ACY1: variants seen among roughly 807,000 people sequenced by gnomAD.
The protein encoded by ACY1 is aminoacylase 1.
Under a neutral mutation model 53.3 loss-of-function variants are expected in ACY1, and 38 were observed. The ratio of observed to expected loss-of-function variants is 0.71; its 90% confidence interval spans 0.55 to 0.93. The LOEUF is 0.93. Among genes scored for constraint, ACY1 ranks in the 40% least tolerant of loss-of-function variants. The pLI is 0.00. For synonymous variants in ACY1, 177 were observed against 202.1 expected (o/e 0.88, Z 1.05); for missense variants, 484 against 540.9 (o/e 0.89, Z 1.04).
At position 51,988,570 on chromosome 3, in the gene ACY1, G is replaced by A; in HGVS notation, c.968G>A (p.Trp323Ter). 1 of 1,614,140 alleles carries A rather than the reference G, an allele frequency of 6.2e-7. No individual in the cohort carries two copies. The highest frequency in any genetic ancestry group is 8.5e-7 in the Non-Finnish European group (1 of 1,180,022). Reference sequence around the variant, plus strand: ...ACACCTACTGATGACTCAAACCCTTGGTGGGCAGCTTTTAGCCGGGTCTGC... The same window carrying A: ...ACACCTACTGATGACTCAAACCCTTAGTGGGCAGCTTTTAGCCGGGTCTGC... ...QVTPTDDSNPWWAAFSRVCKD... is the reference protein window; with the variant it reads ...QVTPTDDSNP The change falls in exon 13 of 15, where the codon TGG becomes TAG. Residue 323 changes from tryptophan to a stop codon, truncating the protein, a stop_gained. Transcript: ENST00000636358. LOFTEE classifies it high-confidence loss of function.
chr3:51,986,989 G>A lies in ACY1; in HGVS notation c.585G>A (p.Trp195Ter), dbSNP rs777838025. The A allele has an allele frequency of 3.7e-6, 6 of 1,612,184 alleles. No homozygotes were observed. The highest frequency in any genetic ancestry group is 5.1e-6 in the Non-Finnish European group (6 of 1,179,932). The part of the protein sequence containing the change: ...TVFYSERSPW[W>*]VRVTSTGRPG... ...TGCCTTCCCCCTACACCTCCCCAGG[G>A]GTGCGGGTTACCAGCACTGGGAGGC... Residue 195 changes from tryptophan to a stop codon, truncating the protein, a stop_gained and splice_region_variant, in exon 9 of 15, where the codon TGG becomes TGA. Transcript: ENST00000636358. LOFTEE classifies it high-confidence loss of function.
At position 51,988,834 on chromosome 3, in the gene ACY1, A is replaced by T. The variant is rs1701167077; in HGVS notation, c.1062+8A>T. The T allele has an allele frequency of 1.9e-6, 3 of 1,614,170 alleles. No homozygotes were observed. The highest frequency in any genetic ancestry group is 2.5e-6 in the Non-Finnish European group (3 of 1,180,044). On this transcript the variant is annotated splice_region_variant and intron_variant, in intron 14 of 14. Transcript: ENST00000636358. ...AACCGCTATATCCGCGCGGTGAGCC[A>T]CTTGCATATAGTGCCTGGGCAGTGG...
intron 10 of ACY1, 38 bp from the exon 11 acceptor site, chr3:51,987,271 T>C: frequency 1.2e-6 from 2 of 1,613,978 alleles, no homozygotes; most frequent in Non-Finnish European, 1.7e-6. Context: ...GCCACCTCTT[T>C]TATCTGTTGC....
chr3:51,984,531 T>C, intron 2 of ACY1: 1 of 374,832 alleles, frequency 2.7e-6, no homozygotes, highest in Non-Finnish European at 5.1e-6. Context: ...GCTTGGTGGC[T>C]AGGGCCTGGG....
intron 12 of ACY1, chr3:51,987,947 C>A (rs2106840765): frequency 2.9e-6 from 1 of 339,154 alleles, no homozygotes; most frequent in African/African-American, 2.1e-5. Context: ...TCTCGGCTCA[C>A]CTCCGCCTCC....
intron 1 of ACY1, 104 bp from the exon 2 acceptor site, chr3:51,983,943 A>G: frequency 1.2e-6 from 1 of 813,010 alleles, no homozygotes; most frequent in Non-Finnish European, 2.1e-6. Context: ...ACGGTATCCT[A>G]CCCCTGTGGG....
rs148501801 is a variant in ACY1 at position 51,988,542 on chromosome 3, G to A, written c.940G>A (p.Val314Met). Residue 314 changes from valine to methionine, a missense_variant, in exon 13 of 15, where the codon GTG (valine) becomes ATG (methionine). Transcript: ENST00000636358. Reference sequence around the variant, plus strand: ...CCCTCAGAAGTGGATGCACCCCCAAGTGACACCTACTGATGACTCAAACCC... The same window carrying A: ...CCCTCAGAAGTGGATGCACCCCCAAATGACACCTACTGATGACTCAAACCC... ...EFAQKWMHPQ[V>M]TPTDDSNPWW... 3 of 1,614,024 alleles carry A rather than the reference G, an allele frequency of 1.9e-6. No individual in the cohort carries two copies. The highest frequency in any genetic ancestry group is 4.5e-5 in the East Asian group (2 of 44,886).
At position 51,988,904 on chromosome 3, in the gene ACY1, C is replaced by T; in HGVS notation, c.1063-7C>T. The T allele has an allele frequency of 1.2e-6, 2 of 1,614,200 alleles. No homozygotes were observed. The highest frequency in any genetic ancestry group is 8.5e-7 in the Non-Finnish European group (1 of 1,180,026). On this transcript the variant is annotated splice_polypyrimidine_tract_variant and splice_region_variant and intron_variant, in intron 14 of 14. Coordinates refer to ENST00000636358, the MANE Select transcript of ACY1 (RefSeq NM_000666.3). ...TTTTCCCTAACGGCTCTTCCTCACC[C>T]CTGCAGGTGGGGGTCCCAGCTCTAG...
At chr3:51,987,811 T>A in intron 12 of ACY1, 187 bp downstream of exon 12, 1 of 634,386 alleles carries the variant, frequency 1.6e-6, no homozygotes, top group Non-Finnish European at 2.7e-6. Flanking sequence ...CTGTGGGGAG[T>A]AAAATTAGGC....
intron 12 of ACY1, 53 bp from the exon 13 acceptor site, chr3:51,988,471 G>A: frequency 6.5e-7 from 1 of 1,548,772 alleles, no homozygotes; most frequent in Non-Finnish European, 8.9e-7. Flanking sequence ...ATGGGAAATA[G>A]GGCAAGATGC....
Position 51,986,522 on chromosome 3 carries a change from C to T in ACY1, c.526+18C>T. The T allele has an allele frequency of 6.2e-7, 1 of 1,614,162 alleles. No homozygotes were observed. Among genetic ancestry groups the T allele is most frequent in the African/African-American group, 1.3e-5 (1 of 75,060 alleles). On this transcript the variant is annotated intron_variant, in intron 7 of 14. Transcript: ENST00000636358. ...GGATGAGGGTGAGCAGGTTGGCAAG[C>T]CAATGAGCAGCCAGGCAGGGAGTAG...
rs1166957235 is a variant in ACY1 at position 51,986,455 on chromosome 3, G to C, written c.477G>C (p.Val159=). Reference sequence around the variant, plus strand: ...GTCACCAAGGCATGGAGCTGTTCGTGCAGCGGCCTGAGTTCCACGCCCTGA... The same window carrying C: ...GTCACCAAGGCATGGAGCTGTTCGTCCAGCGGCCTGAGTTCCACGCCCTGA... ...VGGHQGMELF[V]QRPEFHALRA... is the part of the protein sequence containing the mutation. The change falls in exon 7 of 15, where the codon GTG becomes GTC. Residue 159 remains valine (V), a synonymous_variant. Transcript: ENST00000636358. 1.9e-6 allele frequency: 3 copies of C among 1,613,530 alleles called. No homozygotes were observed. Among genetic ancestry groups the C allele is most frequent in the Non-Finnish European group, 1.7e-6 (2 of 1,179,726 alleles).
intron 8 of ACY1, 115 bp downstream of exon 8, chr3:51,986,776 C>A: frequency 7.1e-7 from 1 of 1,413,914 alleles, no homozygotes. Context: ...GCCTTGAACC[C>A]AGGGCCTCTA....
At position 51,989,031 on chromosome 3, in the gene ACY1, C is replaced by T; in HGVS notation, c.1183C>T (p.Leu395=). Residue 395 remains leucine (L), a synonymous_variant, in exon 15 of 15, where the codon CTG becomes TTG. Coordinates refer to ENST00000636358, the MANE Select transcript of ACY1 (RefSeq NM_000666.3). ...LRGVDIYTRL[L]PALASVPALP... Reference sequence around the variant, plus strand: ...TGGGGTGGACATATATACACGCCTGCTGCCTGCCCTTGCCAGTGTGCCTGC... The same window carrying T: ...TGGGGTGGACATATATACACGCCTGTTGCCTGCCCTTGCCAGTGTGCCTGC... The T allele has an allele frequency of 6.2e-7, 1 of 1,614,106 alleles. No homozygotes were observed. The highest frequency in any genetic ancestry group is 2.2e-5 in the East Asian group (1 of 44,888).
chr3:51,984,284 C>A, intron 2 of ACY1, 126 bp downstream of exon 2: 1 of 831,838 alleles, frequency 1.2e-6, no homozygotes, highest in Non-Finnish European at 2.0e-6. Flanking sequence ...CTCCCCAACC[C>A]CTCCAGCCAT....
Position 51,989,094 on chromosome 3 carries a change from C to G in ACY1, c.*19C>G. 1.2e-6 allele frequency: 2 copies of G among 1,612,184 alleles called. No individual in the cohort carries two copies. The highest frequency in any genetic ancestry group is 2.2e-5 in the South Asian group (2 of 91,078). On this transcript the variant is annotated 3_prime_UTR_variant, in exon 15 of 15. Transcript: ENST00000636358. ...CAGCTGAGCCCTGGAACTCCTAAAC[C>G]TTTGCCCCTGGGGCTTCCATCCCAA... is the stretch of plus-strand genomic sequence containing the variant.
chr3:51,988,670 C>T (rs1015108357), intron 13 of ACY1, 67 bp downstream of exon 13: 4 of 1,561,676 alleles, frequency 2.6e-6, no homozygotes, highest in Non-Finnish European at 2.6e-6. Context: ...CTGCCCCCTC[C>T]CTTCTCCCTC....
chr3:51,987,493 C>A (rs1701115613), intron 11 of ACY1, 40 bp downstream of exon 11: 2 of 1,613,984 alleles, frequency 1.2e-6, no homozygotes, highest in African/African-American at 2.7e-5. Flanking sequence ...GATCCTGGGT[C>A]CTCAGTCTTG....
rs1225691758 is a variant in ACY1 at position 51,987,075 on chromosome 3, C to T, written c.657+14C>T. 3 of 1,614,066 alleles carry T rather than the reference C, an allele frequency of 1.9e-6. No homozygotes were observed. In the East Asian group the frequency reaches 6.7e-5, roughly 36 times the overall value. On this transcript the variant is annotated intron_variant, in intron 9 of 14. Transcript: ENST00000636358. ...GCAGAGAAGCTGGTACGTGGCACCCCAGGAGGGAGTCTGGGAGTTCAGGAG... is the reference window on the plus strand; with the variant it reads ...GCAGAGAAGCTGGTACGTGGCACCCTAGGAGGGAGTCTGGGAGTTCAGGAG...
Sources: gnomAD v4.1 joint callset for allele counts on GRCh38, gnomAD v4.1.1 for gene constraint, MANE v1.5 for transcripts, NCBI Gene and HGNC (gene_info 2026-07-23, HGNC 2026-07-21) for gene names.